Variants in DOCK3 observed in about 807,000 individuals in gnomAD.
DOCK3 encodes the protein dedicator of cytokinesis 3, also known as dedicator of cytokinesis protein 3.
Under a neutral mutation model 265.6 loss-of-function variants are expected in DOCK3, and 60 were observed. The ratio of observed to expected loss-of-function variants is 0.23; its 90% CI spans 0.18 to 0.28. The LOEUF (loss-of-function observed/expected upper bound fraction) is 0.28. Among genes scored for constraint, DOCK3 ranks in the 10% least tolerant of loss-of-function variants. The probability of loss-of-function intolerance (pLI) is 1.00; values close to 1 mark genes in which losing one functional copy is unlikely to be tolerated. For missense variants in DOCK3, 1,981 were observed against 2,594.3 expected (o/e 0.76, Z 5.14); for synonymous variants, 881 against 938.0 (o/e 0.94, Z 1.11).
intron 2 of DOCK3, among the ~76,000 whole-genome samples, chr3:50,832,206 T>C (rs2045220133): frequency 6.6e-6 from 1 of 152,136 alleles, no homozygotes; most frequent in African/African-American, 2.4e-5. Flanking sequence ...TATACAAAAA[T>C]TAGCTCAAGA....
At chr3:51,234,202 C>T (rs1476804796) in intron 19 of DOCK3, among the ~76,000 whole-genome samples, 1 of 152,184 alleles carries the variant, frequency 6.6e-6, no homozygotes, top group Non-Finnish European at 1.5e-5. Flanking sequence ...GATGAGGTGA[C>T]ATCTCATTGT....
intron 5 of DOCK3, among the ~76,000 whole-genome samples, chr3:50,990,378 TGAAA>T (rs1176155906): frequency 1.3e-5 from 2 of 151,908 alleles, no homozygotes; most frequent in Non-Finnish European, 2.9e-5. Flanking sequence ...AAGGTTGAAA[TGAAA>T]GAAAGAATGT....
intron 12 of DOCK3, among the ~76,000 whole-genome samples, chr3:51,183,001 G>T (rs1180053626): frequency 6.6e-6 from 1 of 152,160 alleles, no homozygotes; most frequent in Non-Finnish European, 1.5e-5. Context: ...ACAAATGTAT[G>T]CATCTGGTTT....
chr3:51,056,517 G>T (rs1226977087), intron 5 of DOCK3, among the ~76,000 whole-genome samples: 1 of 152,142 alleles, frequency 6.6e-6, no homozygotes, highest in Non-Finnish European at 1.5e-5. Context: ...CAAAGTGCTG[G>T]GATTACAGGC....
At chr3:51,248,546 C>A (rs1239543040) in intron 22 of DOCK3, among the ~76,000 whole-genome samples, 1 of 152,132 alleles carries the variant, frequency 6.6e-6, no homozygotes, top group Non-Finnish European at 1.5e-5. Flanking sequence ...CTCGCTACAA[C>A]CTCCACCTCC....
chr3:51,320,032 A>G (rs1347448087), intron 32 of DOCK3, among the ~76,000 whole-genome samples: 2 of 152,132 alleles, frequency 1.3e-5, no homozygotes, highest in African/African-American at 4.8e-5. Context: ...GAGGGCTGGC[A>G]AGATGGCCAA....
intron 3 of DOCK3, among the ~76,000 whole-genome samples, chr3:50,879,132 T>C (rs1032032825): frequency 6.6e-6 from 1 of 152,174 alleles, no homozygotes; most frequent in African/African-American, 2.4e-5. Context: ...AAGGAAGCAC[T>C]AAACATGGAA....
chr3:51,159,659 A>C (rs942603281), intron 11 of DOCK3, among the ~76,000 whole-genome samples: 4 of 152,148 alleles, frequency 2.6e-5, no homozygotes, highest in African/African-American at 4.8e-5. Context: ...AGAGGTGCCA[A>C]CTTCACAGCA....
chr3:50,921,630 G>A (rs951621169), intron 4 of DOCK3, among the ~76,000 whole-genome samples: 19 of 151,978 alleles, frequency 1.3e-4, no homozygotes, highest in African/African-American at 4.6e-4. Context: ...GAGAAGAGGT[G>A]CTCTGATTTT....
At chr3:51,276,254 C>T (rs1444453003) in intron 25 of DOCK3, 1 of 496,190 alleles carries the variant, frequency 2.0e-6, no homozygotes, top group East Asian at 1.5e-4. Flanking sequence ...GATAATGGCC[C>T]TATTATTTGA....
At chr3:51,239,497 C>G (rs975088731) in intron 21 of DOCK3, among the ~76,000 whole-genome samples, 2 of 151,584 alleles carry the variant, frequency 1.3e-5, no homozygotes, top group Admixed American at 1.3e-4. Context: ...TGCCCAGCCA[C>G]TGGCCTCATT....
intron 5 of DOCK3, among the ~76,000 whole-genome samples, chr3:51,012,210 C>T (rs1461552336): frequency 6.6e-6 from 1 of 152,194 alleles, no homozygotes; most frequent in Non-Finnish European, 1.5e-5. Context: ...CAGCTATGCC[C>T]TGCCCAATGG....
At chr3:50,846,056 A>G (rs2046063512) in intron 3 of DOCK3, among the ~76,000 whole-genome samples, 1 of 152,196 alleles carries the variant, frequency 6.6e-6, no homozygotes, top group African/African-American at 2.4e-5. Flanking sequence ...TGCAGTGCCT[A>G]GCACATAAGA....
At chr3:50,774,777 A>C (rs986272994) in intron 1 of DOCK3, among the ~76,000 whole-genome samples, 2 of 151,880 alleles carry the variant, frequency 1.3e-5, no homozygotes, top group African/African-American at 4.8e-5. Context: ...TTAGTGATAA[A>C]ATGTTTTGTA....
intron 12 of DOCK3, among the ~76,000 whole-genome samples, chr3:51,184,492 G>A (rs1235640376): frequency 6.6e-6 from 1 of 150,900 alleles, no homozygotes; most frequent in East Asian, 1.9e-4. Flanking sequence ...TATATCAAAG[G>A]AACATTGAAG....
At chr3:51,016,960 T>A (rs1203210146) in intron 5 of DOCK3, among the ~76,000 whole-genome samples, 7 of 106,902 alleles carry the variant, frequency 6.5e-5, no homozygotes, top group South Asian at 2.6e-4. Context: ...AATATATATA[T>A]TATATATATA....
chr3:50,911,300 T>C (rs1429105337), intron 4 of DOCK3, among the ~76,000 whole-genome samples: 1 of 152,146 alleles, frequency 6.6e-6, no homozygotes, highest in Non-Finnish European at 1.5e-5. Context: ...AGTCTTACAT[T>C]TAAGTCTTTA....
At chr3:51,320,405 C>G (rs1280491353) in intron 32 of DOCK3, among the ~76,000 whole-genome samples, 4 of 152,112 alleles carry the variant, frequency 2.6e-5, no homozygotes, top group Non-Finnish European at 1.5e-5. Flanking sequence ...AGACACCAAG[C>G]TAGCTGCAGG....
At chr3:51,086,352 G>T (rs549471378) in intron 7 of DOCK3, among the ~76,000 whole-genome samples, 19 of 152,286 alleles carry the variant, frequency 1.2e-4, no homozygotes, top group Admixed American at 2.6e-4. Flanking sequence ...TCCAGTGTGG[G>T]CATCATGGCC....
Sources: allele counts gnomAD v4.1 joint callset (sites outside exome capture counted in the v4.1 genomes callset), GRCh38; gene constraint gnomAD v4.1.1; transcripts MANE v1.5; gene names NCBI Gene and HGNC (gene_info 2026-07-23, HGNC 2026-07-21).